CNTNAP2: variants seen among roughly 807,000 people sequenced by gnomAD.
CNTNAP2 encodes contactin-associated protein-like 2.
A neutral mutation model predicts 155.2 loss-of-function variants in CNTNAP2; 98 were observed. That is an observed-to-expected ratio of 0.63 (90% CI 0.54 to 0.75). The LOEUF is 0.75. Among genes scored for constraint, CNTNAP2 ranks in the 30% least tolerant of loss-of-function variants. CNTNAP2 has a pLI of 0.00. For missense variants in CNTNAP2, 1,727 were observed against 1,688.1 expected (o/e 1.02, Z -0.40); for synonymous variants, 651 against 631.2 (o/e 1.03, Z -0.47).
At chr7:146,943,536 A>G (rs983657362) in intron 3 of CNTNAP2, among the ~76,000 whole-genome samples, 18 of 152,120 alleles carry the variant, frequency 1.2e-4, no homozygotes, top group African/African-American at 3.4e-4. Flanking sequence ...GAGAAAATAC[A>G]TTTACAGTAC....
intron 21 of CNTNAP2, among the ~76,000 whole-genome samples, chr7:148,281,431 A>G (rs1796971894): frequency 6.6e-6 from 1 of 152,222 alleles, no homozygotes; most frequent in South Asian, 2.1e-4. Context: ...GTTTTACTAT[A>G]AGGACAGAAG....
intron 3 of CNTNAP2, among the ~76,000 whole-genome samples, chr7:147,011,518 A>G (rs908846935): frequency 4.0e-5 from 6 of 151,376 alleles, no homozygotes; most frequent in African/African-American, 1.2e-4. Flanking sequence ...ACTAAATGTG[A>G]CATGGGATTC....
intron 1 of CNTNAP2, among the ~76,000 whole-genome samples, chr7:146,254,543 T>C (rs1302139925): frequency 6.6e-6 from 1 of 152,208 alleles, no homozygotes; most frequent in Non-Finnish European, 1.5e-5. Flanking sequence ...CAGTGTCCTA[T>C]TAGAAGTGTT....
chr7:147,072,748 G>C (rs1173261117), intron 4 of CNTNAP2, among the ~76,000 whole-genome samples: 1 of 152,144 alleles, frequency 6.6e-6, no homozygotes, highest in Admixed American at 6.6e-5. Context: ...TGATGGGAGA[G>C]ACTCAGATTT....
At chr7:147,678,825 CTT>C (rs1217099338) in intron 13 of CNTNAP2, among the ~76,000 whole-genome samples, 1 of 151,780 alleles carries the variant, frequency 6.6e-6, no homozygotes, top group African/African-American at 2.4e-5. Context: ...GTGGGAATGA[CTT>C]TAATCTGAAA....
intron 8 of CNTNAP2, among the ~76,000 whole-genome samples, chr7:147,165,683 C>T (rs1044745557): frequency 6.6e-6 from 1 of 152,172 alleles, no homozygotes; most frequent in Non-Finnish European, 1.5e-5. Context: ...TTTCATTCTT[C>T]TGTATGTGGC....
At chr7:147,302,748 G>A (rs976246744) in intron 9 of CNTNAP2, among the ~76,000 whole-genome samples, 12 of 152,184 alleles carry the variant, frequency 7.9e-5, no homozygotes, top group African/African-American at 2.7e-4. Flanking sequence ...GTAAAACATC[G>A]TCAGTCACTG....
intron 13 of CNTNAP2, among the ~76,000 whole-genome samples, chr7:147,891,135 T>G (rs1212139986): frequency 1.3e-5 from 2 of 151,632 alleles, no homozygotes; most frequent in Non-Finnish European, 2.9e-5. Flanking sequence ...GTAGAACAAA[T>G]GAAATGCATG....
intron 15 of CNTNAP2, among the ~76,000 whole-genome samples, chr7:148,115,886 C>T (rs1804458523): frequency 6.6e-6 from 1 of 152,062 alleles, no homozygotes; most frequent in Non-Finnish European, 1.5e-5. Flanking sequence ...TGCCTGTAAT[C>T]GCAGCACTTT....
intron 21 of CNTNAP2, among the ~76,000 whole-genome samples, chr7:148,312,916 G>C (rs891348863): frequency 2.0e-5 from 3 of 151,262 alleles, no homozygotes; most frequent in Admixed American, 6.6e-5. Flanking sequence ...AGATACAAGT[G>C]GGGGGGATGT....
intron 15 of CNTNAP2, among the ~76,000 whole-genome samples, chr7:147,980,788 G>A (rs971116234): frequency 1.1e-4 from 15 of 136,342 alleles, no homozygotes; most frequent in East Asian, 9.2e-4. Context: ...AAAATTAGCC[G>A]GGCGTGGTGG....
chr7:146,536,677 A>G (rs1797874115), intron 1 of CNTNAP2, among the ~76,000 whole-genome samples: 1 of 151,880 alleles, frequency 6.6e-6, no homozygotes, highest in Non-Finnish European at 1.5e-5. Context: ...AAAATAAATA[A>G]TGTACTTGTA....
At chr7:146,368,139 G>A (rs1045447319) in intron 1 of CNTNAP2, among the ~76,000 whole-genome samples, 1 of 152,024 alleles carries the variant, frequency 6.6e-6, no homozygotes, top group Non-Finnish European at 1.5e-5. Context: ...CTCTGTCCTT[G>A]CTGACCTTTG....
At chr7:147,117,786 G>C (rs1801018655) in intron 5 of CNTNAP2, among the ~76,000 whole-genome samples, 1 of 152,044 alleles carries the variant, frequency 6.6e-6, no homozygotes. Context: ...TGTAGGTAAT[G>C]ATACATTACC....
chr7:147,918,482 G>A (rs147213003), intron 14 of CNTNAP2, among the ~76,000 whole-genome samples: 1 of 152,088 alleles, frequency 6.6e-6, no homozygotes, highest in Non-Finnish European at 1.5e-5. Flanking sequence ...AAGATAATGG[G>A]TGTGTACTAA....
intron 19 of CNTNAP2, 135 bp from the exon 20 acceptor site, chr7:148,229,511 A>G (rs958206062): frequency 1.7e-6 from 2 of 1,202,172 alleles, no homozygotes; most frequent in African/African-American, 1.5e-5. Context: ...GGCAAGAGCA[A>G]GACTCCGTCA....
At chr7:146,859,666 AAAAAAT>A (rs1795059625) in intron 3 of CNTNAP2, among the ~76,000 whole-genome samples, 2 of 150,542 alleles carry the variant, frequency 1.3e-5, no homozygotes, top group African/African-American at 4.8e-5. Flanking sequence ...TCTCAAAAAA[AAAAAAT>A]ATATATAATC....
chr7:148,413,536 C>T (rs1310588200), intron 23 of CNTNAP2, among the ~76,000 whole-genome samples: 2 of 147,538 alleles, frequency 1.4e-5, no homozygotes, highest in East Asian at 2.0e-4. Context: ...GTTTTCTCCT[C>T]CTATATTTTA....
At chr7:146,353,568 T>C (rs112815495) in intron 1 of CNTNAP2, among the ~76,000 whole-genome samples, 3,842 of 152,282 alleles carry the variant, frequency 0.025, 155 homozygotes, top group African/African-American at 0.081. Context: ...GTATCCCAAC[T>C]GCTTATGTGG....
Sources: allele counts gnomAD v4.1 joint callset (sites outside exome capture counted in the v4.1 genomes callset), GRCh38; gene constraint gnomAD v4.1.1; transcripts MANE v1.5; gene names NCBI Gene and HGNC (gene_info 2026-07-23, HGNC 2026-07-21).